Variants in CDK17 observed in about 807,000 individuals in gnomAD.
CDK17 encodes cyclin-dependent kinase 17.
CDK17 carries 24 observed loss-of-function variants against 77.6 expected under a neutral mutation model. That is an observed-to-expected ratio of 0.31 (90% CI 0.22 to 0.44). CDK17 has a LOEUF of 0.44. CDK17 is among the 20% of genes least tolerant of loss of function. The pLI is 1.00. For synonymous variants in CDK17, 203 were observed against 210.4 expected, an observed-to-expected ratio of 0.96 and a Z score of 0.30; for missense variants, 429 against 622.5, an observed-to-expected ratio of 0.69 and a Z score of 3.31.
chr12:96,397,005 A>C (rs2097907009), intron 1 of CDK17, among the ~76,000 whole-genome samples: 1 of 152,174 alleles, frequency 6.6e-6, no homozygotes, highest in Non-Finnish European at 1.5e-5. Context: ...CGTCATCTCC[A>C]CTTTTGAATA....
chr12:96,346,638 C>T (rs533830349), intron 1 of CDK17, among the ~76,000 whole-genome samples: 66 of 150,488 alleles, frequency 4.4e-4, no homozygotes, highest in African/African-American at 1.5e-3. Flanking sequence ...AAAAAAAGGC[C>T]GGGCATGGTG....
intron 13 of CDK17, among the ~76,000 whole-genome samples, chr12:96,285,208 A>C (rs1952231452): frequency 6.6e-6 from 1 of 152,248 alleles, no homozygotes. Context: ...AAGTATTATT[A>C]TTCTTCCTAA....
chr12:96,295,189 T>C, intron 9 of CDK17, 67 bp from the exon 10 acceptor site: 1 of 1,287,614 alleles, frequency 7.8e-7, no homozygotes, highest in South Asian at 1.4e-5. Flanking sequence ...GCATAAATGA[T>C]GGTAAGCAGA....
At chr12:96,361,552 T>C (rs780926896) in intron 1 of CDK17, among the ~76,000 whole-genome samples, 23 of 152,214 alleles carry the variant, frequency 1.5e-4, no homozygotes, top group Non-Finnish European at 2.4e-4. Flanking sequence ...TAAGGTAATA[T>C]TTTGCAAATA....
chr12:96,288,293 G>A (rs1016492674), intron 11 of CDK17, among the ~76,000 whole-genome samples: 6 of 152,098 alleles, frequency 3.9e-5, no homozygotes, highest in African/African-American at 1.4e-4. Flanking sequence ...ATTACCACAT[G>A]AAGAACATAG....
chr12:96,290,902 T>A (rs1039225703), intron 10 of CDK17, among the ~76,000 whole-genome samples: 2 of 152,116 alleles, frequency 1.3e-5, no homozygotes, highest in Non-Finnish European at 2.9e-5. Context: ...TGAAACAATC[T>A]CTCCTAAACA....
At chr12:96,363,034 C>T (rs1217855133) in intron 1 of CDK17, among the ~76,000 whole-genome samples, 2 of 152,156 alleles carry the variant, frequency 1.3e-5, no homozygotes, top group Non-Finnish European at 2.9e-5. Flanking sequence ...TAAAAAAATA[C>T]TTGAAGGGAC....
intron 1 of CDK17, among the ~76,000 whole-genome samples, chr12:96,377,098 C>G (rs536241052): frequency 6.6e-6 from 1 of 152,006 alleles, no homozygotes; most frequent in Non-Finnish European, 1.5e-5. Context: ...GCAGGTATAA[C>G]CAGAAAGCAA....
chr12:96,294,616 T>C (rs1431232424), intron 10 of CDK17, among the ~76,000 whole-genome samples: 3 of 125,978 alleles, frequency 2.4e-5, no homozygotes, highest in East Asian at 2.4e-4. Flanking sequence ...AAAAAAGATA[T>C]ATTTTGGTGC....
At chr12:96,398,224 A>G (rs951256966) in intron 1 of CDK17, among the ~76,000 whole-genome samples, 1 of 152,134 alleles carries the variant, frequency 6.6e-6, no homozygotes, top group Admixed American at 6.6e-5. Flanking sequence ...TTATATTCCA[A>G]TATTCTCTCT....
chr12:96,347,773 T>C (rs1953245511), intron 1 of CDK17, among the ~76,000 whole-genome samples: 1 of 152,072 alleles, frequency 6.6e-6, no homozygotes, highest in Non-Finnish European at 1.5e-5. Context: ...ATATGGAACA[T>C]TCTCCAGGAC....
At chr12:96,333,985 CA>C (rs1280100889) in intron 2 of CDK17, among the ~76,000 whole-genome samples, 1 of 152,162 alleles carries the variant, frequency 6.6e-6, no homozygotes, top group East Asian at 1.9e-4. Context: ...TCTCTCAAAA[CA>C]TAAGTATGTG....
At chr12:96,346,191 G>A (rs140775977) in intron 1 of CDK17, among the ~76,000 whole-genome samples, 80 of 151,976 alleles carry the variant, frequency 5.3e-4, no homozygotes, top group African/African-American at 1.8e-3. Context: ...AGTGGCTCAC[G>A]CCTGTAATCC....
intron 1 of CDK17, among the ~76,000 whole-genome samples, chr12:96,360,246 G>A (rs1339877864): frequency 1.3e-5 from 2 of 152,204 alleles, no homozygotes; most frequent in East Asian, 3.8e-4. Context: ...GAAGGAAACA[G>A]GGTTCACTCT....
At position 96,383,018 on chromosome 12, in the gene CDK17, A is replaced by G. The variant is rs544444591; in HGVS notation, c.-30+16968T>C. ...TACAATTATGTATCTAGAAAACTCT[A>G]AAGACTCTGCCAAAAGGCTCCTAGA... On this transcript the variant is annotated intron_variant, in intron 1 of 16. Coordinates refer to ENST00000261211, the MANE Select transcript of CDK17 (RefSeq NM_002595.5). Among the ~76,000 whole-genome samples the G allele has an allele frequency of 8.7e-4, 133 of 152,362 alleles. 2 individuals carry two copies. In the South Asian group the frequency reaches 0.024, roughly 28 times the overall value.
intron 3 of CDK17, among the ~76,000 whole-genome samples, chr12:96,316,078 G>A (rs1201217430): frequency 6.6e-6 from 1 of 152,176 alleles, no homozygotes; most frequent in East Asian, 1.9e-4. Flanking sequence ...CCAGACAGTG[G>A]GCGCAGGCCA....
At chr12:96,360,337 T>C (rs929843936) in intron 1 of CDK17, among the ~76,000 whole-genome samples, 7 of 152,174 alleles carry the variant, frequency 4.6e-5, no homozygotes, top group African/African-American at 1.7e-4. Context: ...ATTTACATTC[T>C]TCCCTGGAAC....
chr12:96,335,194 T>C (rs904333138), intron 1 of CDK17: 9 of 362,978 alleles, frequency 2.5e-5, no homozygotes, highest in Non-Finnish European at 4.2e-5. Context: ...ATTATTTTGA[T>C]GCTTAGGTTC....
intron 1 of CDK17, among the ~76,000 whole-genome samples, chr12:96,369,650 T>C (rs1007391407): frequency 2.6e-5 from 4 of 152,174 alleles, no homozygotes; most frequent in African/African-American, 9.7e-5. Context: ...TGATGGTGCA[T>C]GCCTGTAGTC....
Sources: allele counts gnomAD v4.1 joint callset (sites outside exome capture counted in the v4.1 genomes callset), GRCh38; gene constraint gnomAD v4.1.1; transcripts MANE v1.5; gene names NCBI Gene and HGNC (gene_info 2026-07-23, HGNC 2026-07-21).